Variants in PPP2R2C observed in about 807,000 individuals in gnomAD.
PPP2R2C encodes the protein protein phosphatase 2, regulatory subunit B, gamma.
A neutral mutation model predicts 45.3 loss-of-function variants in PPP2R2C; 10 were observed. That is an observed-to-expected ratio of 0.22 (90% CI 0.14 to 0.37). The LOEUF (loss-of-function observed/expected upper bound fraction) is 0.37. Among genes scored for constraint, PPP2R2C ranks in the 10% least tolerant of loss-of-function variants. The pLI is 1.00. For missense variants in PPP2R2C, 308 were observed against 619.7 expected (o/e 0.50, Z 5.34); for synonymous variants, 257 against 245.4 (o/e 1.05, Z -0.44).
At chr4:6,334,420 C>T (rs1378387743) in intron 6 of PPP2R2C, among the ~76,000 whole-genome samples, 1 of 152,174 alleles carries the variant, frequency 6.6e-6, no homozygotes, top group Non-Finnish European at 1.5e-5. Context: ...CCCACCTGGA[C>T]AATTATAGAC....
At chr4:6,413,714 C>T (rs750702448) in intron 1 of PPP2R2C, among the ~76,000 whole-genome samples, 1 of 152,174 alleles carries the variant, frequency 6.6e-6, no homozygotes, top group Non-Finnish European at 1.5e-5. Flanking sequence ...CAGGGATGAC[C>T]CCTATTTTCA....
At chr4:6,500,293 G>A (rs1041328197) in intron 2 of PPP2R2C, among the ~76,000 whole-genome samples, 2 of 152,076 alleles carry the variant, frequency 1.3e-5, no homozygotes, top group Admixed American at 6.6e-5. Context: ...GATTATAGGC[G>A]CACACCACCA....
At chr4:6,467,090 A>G (rs963635937) in intron 1 of PPP2R2C, among the ~76,000 whole-genome samples, 10 of 152,176 alleles carry the variant, frequency 6.6e-5, no homozygotes, top group Non-Finnish European at 1.2e-4. Context: ...GCACCCCAGC[A>G]CTGAAATGGA....
chr4:6,365,416 G>C (rs1346850907), intron 5 of PPP2R2C, among the ~76,000 whole-genome samples: 1 of 152,214 alleles, frequency 6.6e-6, no homozygotes, highest in African/African-American at 2.4e-5. Context: ...GTCATGTGCT[G>C]GTGAGGGTTG....
chr4:6,462,297 A>T (rs1158736688), intron 1 of PPP2R2C, among the ~76,000 whole-genome samples: 1 of 152,200 alleles, frequency 6.6e-6, no homozygotes, highest in Non-Finnish European at 1.5e-5. Context: ...CAACATGGTG[A>T]AACCCCGTCT....
intron 1 of PPP2R2C, among the ~76,000 whole-genome samples, chr4:6,546,829 A>T (rs1019825277): frequency 6.6e-5 from 10 of 152,204 alleles, no homozygotes; most frequent in Non-Finnish European, 1.5e-4. Flanking sequence ...CTTATGAAAA[A>T]GGGCAGGCCG....
intron 1 of PPP2R2C, among the ~76,000 whole-genome samples, chr4:6,443,714 G>A (rs1423307444): frequency 6.6e-6 from 1 of 152,190 alleles, no homozygotes; most frequent in African/African-American, 2.4e-5. Context: ...CAGCTTGTAG[G>A]GCTGTGCTGA....
chr4:6,548,398 C>T (rs1269506252), intron 1 of PPP2R2C, among the ~76,000 whole-genome samples: 1 of 152,180 alleles, frequency 6.6e-6, no homozygotes, highest in Non-Finnish European at 1.5e-5. Context: ...CACCAGCCGG[C>T]ACATCCCAAA....
intron 1 of PPP2R2C, among the ~76,000 whole-genome samples, chr4:6,405,417 G>A (rs1018697434): frequency 1.3e-5 from 2 of 152,200 alleles, no homozygotes; most frequent in African/African-American, 4.8e-5. Context: ...AATAAGTGCT[G>A]AACAAATGAA....
intron 2 of PPP2R2C, among the ~76,000 whole-genome samples, chr4:6,481,681 T>C (rs373831027): frequency 2.6e-5 from 4 of 152,246 alleles, no homozygotes; most frequent in East Asian, 3.9e-4. Flanking sequence ...GTAGATCCCA[T>C]TGAAAATCCT....
intron 2 of PPP2R2C, among the ~76,000 whole-genome samples, chr4:6,484,919 CT>C (rs1722482184): frequency 6.6e-6 from 1 of 151,698 alleles, no homozygotes; most frequent in Non-Finnish European, 1.5e-5. Flanking sequence ...CTTTTTTTCT[CT>C]TTCTTGCTTT....
At chr4:6,474,410 G>A (rs931260251), upstream of PPP2R2C, among the ~76,000 whole-genome samples, 1 of 152,158 alleles carries the variant, frequency 6.6e-6, no homozygotes, top group Non-Finnish European at 1.5e-5. Context: ...CTCAGCAGGG[G>A]TCAGGCCTCC....
intron 1 of PPP2R2C, among the ~76,000 whole-genome samples, chr4:6,434,102 TA>T (rs1196997921): frequency 6.6e-6 from 1 of 152,208 alleles, no homozygotes; most frequent in African/African-American, 2.4e-5. Context: ...GTTTTAATCA[TA>T]AAGCATGTCA....
chr4:6,447,379 C>A (rs1299834312), intron 1 of PPP2R2C, among the ~76,000 whole-genome samples: 1 of 152,176 alleles, frequency 6.6e-6, no homozygotes, highest in Non-Finnish European at 1.5e-5. Flanking sequence ...CTTGAAATAA[C>A]CCCATCTCGG....
intron 1 of PPP2R2C, among the ~76,000 whole-genome samples, chr4:6,554,216 A>G (rs1321008408): frequency 6.6e-6 from 1 of 152,224 alleles, no homozygotes; most frequent in African/African-American, 2.4e-5. Context: ...CCCCCAATCC[A>G]AAATGACGGG....
chr4:6,447,561 G>A (rs1720494254), intron 1 of PPP2R2C, among the ~76,000 whole-genome samples: 1 of 139,948 alleles, frequency 7.1e-6, no homozygotes, highest in East Asian at 2.1e-4. Flanking sequence ...CAAAGATGGT[G>A]ACCTGACCTT....
intron 2 of PPP2R2C, among the ~76,000 whole-genome samples, chr4:6,511,732 GAGGTGA>G (rs1723540792): frequency 3.9e-5 from 2 of 51,012 alleles, no homozygotes; most frequent in Non-Finnish European, 1.0e-4. Flanking sequence ...GATGGTGGTG[GAGGTGA>G]TGGTGGTGAT....
chr4:6,540,959 CT>C (rs1294441570), intron 1 of PPP2R2C, among the ~76,000 whole-genome samples: 1 of 152,254 alleles, frequency 6.6e-6, no homozygotes, highest in Non-Finnish European at 1.5e-5. Flanking sequence ...CTCCAGATCC[CT>C]TCTGTCTATC....
At chr4:6,532,143 C>T (rs749695313) in intron 2 of PPP2R2C, among the ~76,000 whole-genome samples, 6 of 152,210 alleles carry the variant, frequency 3.9e-5, no homozygotes, top group South Asian at 4.1e-4. Flanking sequence ...CCAATAACAC[C>T]AACTTGTCCT....
Sources: gnomAD v4.1 joint callset for allele counts (sites outside exome capture counted in the v4.1 genomes callset) on GRCh38, gnomAD v4.1.1 for gene constraint, MANE v1.5 for transcripts, NCBI Gene and HGNC (gene_info 2026-07-23, HGNC 2026-07-21) for gene names.